Variants in TUBB1 observed in about 807,000 individuals in gnomAD.
TUBB1 encodes the protein tubulin beta-1 chain.
TUBB1 carries 28 observed loss-of-function variants against 22.6 expected under a neutral mutation model. The ratio of observed to expected loss-of-function variants is 1.24; its 90% CI spans 0.92 to 1.70. TUBB1 has a LOEUF of 1.70. Ranked by LOEUF, TUBB1 falls within the 40% of genes most tolerant of loss-of-function variation. TUBB1 has a pLI of 0.00. For synonymous variants in TUBB1, 226 were observed against 238.0 expected (o/e 0.95, Z 0.46); for missense variants, 577 against 605.5 (o/e 0.95, Z 0.49).
chr20:59,024,878 C>A lies in TUBB1; in HGVS notation c.*95C>A. 1 of 1,103,272 alleles carries A rather than the reference C, an allele frequency of 9.1e-7. No individual in the cohort carries two copies. The highest frequency in any genetic ancestry group is 1.4e-6 in the Non-Finnish European group (1 of 729,244). The allele number at this position is 1,103,272 out of a possible 1,614,324, so 68.3% of individuals were successfully genotyped here. A position where few individuals can be genotyped will look rare whatever the true frequency, so the allele number is the denominator to read the frequency against. On this transcript the variant is annotated 3_prime_UTR_variant, in exon 4 of 4. Transcript: ENST00000217133. This position sits in a 1 kb window ranked among gnomAD's most constrained non-coding sequence, Gnocchi z 4.9. The stretch of plus-strand genomic sequence containing the variant: ...GCACTCCAAAACCCACTCTGCACTG[C>A]AGCACAGTGAATGATATGCACTCAC...
chr20:59,024,312 T>C lies in TUBB1; in HGVS notation c.885T>C (p.Asp295=). The change falls in exon 4 of 4, where the codon GAT becomes GAC. Residue 295 remains aspartate, a synonymous_variant. Transcript: ENST00000217133. This position sits in a 1 kb window ranked among gnomAD's most constrained non-coding sequence, Gnocchi z 4.9. The stretch of plus-strand genomic sequence containing the variant: ...CCGAGCTCACCCAGCAGATGTTCGA[T>C]GCCCGCAATACCATGGCTGCCTGTG... ...SVAELTQQMF[D]ARNTMAACDL... is the part of the protein sequence containing the mutation. 2 of 1,613,752 alleles carry C rather than the reference T, an allele frequency of 1.2e-6. No homozygotes were observed. The highest frequency in any genetic ancestry group is 2.2e-5 in the East Asian group (1 of 44,880).
rs2091977090 is a variant in TUBB1, at chr20:59,023,360, C to T, written c.167-130C>T. On this transcript the variant is annotated intron_variant, in intron 2 of 3. Coordinates refer to ENST00000217133, the MANE Select transcript of TUBB1 (RefSeq NM_030773.4). ...AATATGATGTTAGATACTCAAATCT[C>T]GACCTACCAAGGGCCCCTTTCTAGA... The T allele has an allele frequency of 1.4e-5, 11 of 802,276 alleles. 1 individual carries two copies. Among genetic ancestry groups the T allele is most frequent in the South Asian group, 7.2e-5 (5 of 69,728 alleles). The allele number at this position is 802,276 out of a possible 1,614,324, so 49.7% of individuals were successfully genotyped here.
chr20:59,020,105 A>G (rs2091961176), intron 1 of TUBB1, among the ~76,000 whole-genome samples: 1 of 151,992 alleles, frequency 6.6e-6, no homozygotes, highest in African/African-American at 2.4e-5. Context: ...TCTTGAACTC[A>G]TGGGCTCAAG....
At chr20:59,017,991 G>A (rs181865436), upstream of TUBB1, among the ~76,000 whole-genome samples, 1 of 152,372 alleles carries the variant, frequency 6.6e-6, no homozygotes, top group Admixed American at 6.5e-5. Flanking sequence ...TCAAGAGGTG[G>A]TTGCTCACCG....
chr20:59,023,638 G>T lies in TUBB1; in HGVS notation c.277+38G>T, dbSNP rs185418865. On this transcript the variant is annotated intron_variant, in intron 3 of 3. Coordinates refer to ENST00000217133, the MANE Select transcript of TUBB1 (RefSeq NM_030773.4). ...AGAAGGTTCCACCAGGAGGAGGGGG[G>T]GATGCTTTACTGGTGCCCTTCTCTT... 6.2e-6 allele frequency: 10 copies of T among 1,613,032 alleles called. No homozygotes were observed. In the East Asian group the frequency reaches 2.2e-4, roughly 36 times the overall value.
At chr20:59,019,861 C>T (rs1239612534) in intron 1 of TUBB1, among the ~76,000 whole-genome samples, 1 of 152,124 alleles carries the variant, frequency 6.6e-6, no homozygotes, top group Non-Finnish European at 1.5e-5. Context: ...ACAATACATG[C>T]CGACCATTAT....
chr20:59,024,738 G>A lies in TUBB1; in HGVS notation c.1311G>A (p.Glu437=), dbSNP rs543220563. The A allele has an allele frequency of 1.5e-5, 25 of 1,614,074 alleles. No homozygotes were observed. Among genetic ancestry groups the A allele is most frequent in the Non-Finnish European group, 2.0e-5 (24 of 1,180,018 alleles). Residue 437 remains glutamate, a synonymous_variant, in exon 4 of 4, where the codon GAG becomes GAA. Transcript: ENST00000217133. The surrounding 1 kb of genome is among the most constrained non-coding windows in gnomAD (Gnocchi z 4.9). ...DAKAVLEEDE[E]VTEEAEMEPE... ...AAGCAGTTCTAGAGGAAGATGAAGA[G>A]GTCACGGAGGAGGCAGAAATGGAGC...
upstream of TUBB1, chr20:59,019,252 A>G (rs1322416264): frequency 3.7e-6 from 2 of 537,678 alleles, no homozygotes; most frequent in Non-Finnish European, 6.7e-6. Flanking sequence ...CTAGGAAATG[A>G]TGGGGCAGTA....
chr20:59,022,859 T>C lies in TUBB1; in HGVS notation c.72T>C (p.Ile24=). The change falls in exon 2 of 4, where the codon ATT becomes ATC. Residue 24 remains isoleucine, a synonymous_variant. Coordinates refer to ENST00000217133, the MANE Select transcript of TUBB1 (RefSeq NM_030773.4). ...CCTGCTTTCAGTTCTGGGAGATGAT[T>C]GGTGAGGAACACGGGATCGACTTGG... ...NQIGAKFWEM[I]GEEHGIDLAG... 1 of 1,614,096 alleles carries C rather than the reference T, an allele frequency of 6.2e-7. No homozygotes were observed. The highest frequency in any genetic ancestry group is 8.5e-7 in the Non-Finnish European group (1 of 1,179,996).
At chr20:59,022,998 A>T in intron 2 of TUBB1, 45 bp downstream of exon 2, 1 of 1,523,268 alleles carries the variant, frequency 6.6e-7, no homozygotes, top group Middle Eastern at 1.7e-4. Context: ...GCAACTGGGA[A>T]CACAAGCAGA....
intron 1 of TUBB1, among the ~76,000 whole-genome samples, chr20:59,019,806 A>T (rs140622222): frequency 8.3e-4 from 126 of 152,368 alleles, no homozygotes; most frequent in African/African-American, 3.0e-3. Context: ...AAGTGCTTAG[A>T]GTGTTAATTT....
chr20:59,024,197 T>C lies in TUBB1; in HGVS notation c.770T>C (p.Met257Thr), dbSNP rs202095800. ...NADLRKLAVN[M>T]VPFPRLHFFM... is the part of the protein sequence containing the mutation. ...GACCTGCGCAAGCTGGCGGTGAACA[T>C]GGTCCCCTTCCCCCGCCTGCACTTC... Residue 257 changes from methionine (M) to threonine (T), a missense_variant, in exon 4 of 4, where the codon ATG becomes ACG. By Grantham distance (81) the Met-to-Thr change is moderately conservative. Coordinates refer to ENST00000217133, the MANE Select transcript of TUBB1 (RefSeq NM_030773.4). This position sits in a 1 kb window ranked among gnomAD's most constrained non-coding sequence, Gnocchi z 4.9. 4.3e-6 allele frequency: 7 copies of C among 1,614,056 alleles called. No homozygotes were observed. Among genetic ancestry groups the C allele is most frequent in the Admixed American group, 1.7e-5 (1 of 59,998 alleles).
At position 59,019,458 on chromosome 20, in the gene TUBB1, C is replaced by G; in HGVS notation, c.-65C>G. 6.3e-7 allele frequency: 1 copy of G among 1,592,004 alleles called. No individual in the cohort carries two copies. Among genetic ancestry groups the G allele is most frequent in the Non-Finnish European group, 8.6e-7 (1 of 1,160,156 alleles). On this transcript the variant is annotated 5_prime_UTR_variant, in exon 1 of 4. Transcript: ENST00000217133. ...TTGTGTTGGGCTCACACCAGTGAAC[C>G]GAAGCTCTGGATTCTGAGAGTCTGA...
chr20:59,017,717 G>A (rs773849698), upstream of TUBB1, among the ~76,000 whole-genome samples: 80 of 152,316 alleles, frequency 5.3e-4, no homozygotes, highest in Non-Finnish European at 9.6e-4. Context: ...AGGACCTCCA[G>A]GGCTTCTCGC....
chr20:59,017,718 G>C (rs1437696465), upstream of TUBB1, among the ~76,000 whole-genome samples: 2 of 152,192 alleles, frequency 1.3e-5, no homozygotes, highest in South Asian at 2.1e-4. Context: ...GGACCTCCAG[G>C]GCTTCTCGCT....
At position 59,025,484 on chromosome 20, in the gene TUBB1, C is replaced by T. The variant is rs562596742; in HGVS notation, c.*701C>T. On this transcript the variant is annotated 3_prime_UTR_variant, in exon 4 of 4. Coordinates refer to ENST00000217133, the MANE Select transcript of TUBB1 (RefSeq NM_030773.4). ...AGCAAAACTAAAGAACTGCAGTCTT[C>T]TGATCTTTATTTCTGAAGAGCTAGC... The T allele has an allele frequency of 4.6e-5, 7 of 152,924 alleles. No individual in the cohort carries two copies. The highest frequency in any genetic ancestry group is 1.7e-4 in the African/African-American group (7 of 41,586). 9.5% of individuals were successfully genotyped at this position (152,924 alleles called of 1,614,324 possible).
In TUBB1 at chr20:59,025,110, G is replaced by C. The variant is rs908297273; in HGVS notation, c.*327G>C. 19 of 386,530 alleles carry C rather than the reference G, an allele frequency of 4.9e-5. No homozygotes were observed. The highest frequency in any genetic ancestry group is 3.9e-4 in the African/African-American group (19 of 48,332). The allele number at this position is 386,530 out of a possible 1,614,324, so 23.9% of individuals were successfully genotyped here. On this transcript the variant is annotated 3_prime_UTR_variant, in exon 4 of 4. Coordinates refer to ENST00000217133, the MANE Select transcript of TUBB1 (RefSeq NM_030773.4). ...GACTACACGTGTGGATTTGCAGGGA[G>C]CCACTGGAGTTGGTGTTACATTTTT...
At position 59,026,036 on chromosome 20, in the gene TUBB1, C is replaced by A. The variant is rs187608622; in HGVS notation, c.*1253C>A. On this transcript the variant is annotated 3_prime_UTR_variant, in exon 4 of 4. Coordinates refer to ENST00000217133, the MANE Select transcript of TUBB1 (RefSeq NM_030773.4). ...GATACACTATTTGATCCATGGATAA[C>A]CGGTAATGGGAAAATGCTCCGACCC... 56 of 152,148 alleles carry A rather than the reference C, an allele frequency of 3.7e-4. No individual in the cohort carries two copies. The highest frequency in any genetic ancestry group is 2.5e-3 in the Admixed American group (38 of 15,280). The allele number at this position is 152,148 out of a possible 1,614,324, so 9.4% of individuals were successfully genotyped here. A position where few individuals can be genotyped will look rare whatever the true frequency, so the allele number is the denominator to read the frequency against.
upstream of TUBB1, among the ~76,000 whole-genome samples, chr20:59,017,500 G>C (rs567926592): frequency 3.8e-4 from 58 of 152,334 alleles, no homozygotes; most frequent in Non-Finnish European, 7.3e-4. Context: ...AAGCAGAAGC[G>C]ATTTCCCCCA....
Sources: gnomAD v4.1 joint callset for allele counts (sites outside exome capture counted in the v4.1 genomes callset) on GRCh38, gnomAD v4.1.1 for gene constraint, Gnocchi (gnomAD v3.1) non-coding constraint, MANE v1.5 for transcripts, NCBI Gene and HGNC (gene_info 2026-07-23, HGNC 2026-07-21) for gene names.